The following XKR9 variants were observed in gnomAD, a reference collection of about 807,000 sequenced individuals.
The protein encoded by XKR9 is XK related 9.
XKR9 carries 32 observed loss-of-function variants against 32.0 expected under a neutral mutation model. The observed-to-expected ratio is 1.00, with a 90% CI of 0.76 to 1.34. The LOEUF is 1.34. XKR9 is among the 40% of genes most tolerant of loss of function. The probability of loss-of-function intolerance (pLI) is 0.00; values close to 1 mark genes in which losing one functional copy is unlikely to be tolerated. For synonymous variants in XKR9, 168 were observed against 143.4 expected, an observed-to-expected ratio of 1.17 and a Z score of -1.22; for missense variants, 546 against 429.7, an observed-to-expected ratio of 1.27 and a Z score of -2.39.
At chr8:70,781,533 G>A (rs1341203418) in intron 2 of XKR9, among the ~76,000 whole-genome samples, 2 of 146,366 alleles carry the variant, frequency 1.4e-5, no homozygotes, top group African/African-American at 5.0e-5. Flanking sequence ...ATTTTTCTAT[G>A]AGTGAGACCC....
At chr8:70,670,445 A>T (rs1440311482) in intron 1 of XKR9, 1 of 152,206 alleles carries the variant, frequency 6.6e-6, no homozygotes, top group African/African-American at 2.4e-5. Context: ...CCATCGAGTT[A>T]TGACAATTGT....
the XKR9 span, among the ~76,000 whole-genome samples, chr8:70,879,566 G>C: frequency 2.0e-5 from 3 of 152,054 alleles, no homozygotes; most frequent in African/African-American, 7.2e-5. Context: ...AGAAGAAATG[G>C]ATAAATTCCT....
chr8:70,972,156 T>C, the XKR9 span, among the ~76,000 whole-genome samples: 1 of 152,210 alleles, frequency 6.6e-6, no homozygotes, highest in Non-Finnish European at 1.5e-5. Flanking sequence ...GTAGTTTTCC[T>C]TGTAGAGGTC....
intron 2 of XKR9, among the ~76,000 whole-genome samples, chr8:70,741,970 T>C (rs1484078317): frequency 6.6e-6 from 1 of 152,142 alleles, no homozygotes; most frequent in Non-Finnish European, 1.5e-5. Flanking sequence ...ATTCTGTTTT[T>C]TTTTTTTCTT....
chr8:70,746,632 A>G (rs539543679), intron 2 of XKR9, among the ~76,000 whole-genome samples: 1 of 152,102 alleles, frequency 6.6e-6, no homozygotes, highest in East Asian at 1.9e-4. Flanking sequence ...CTAGACTGGT[A>G]CAGAACTTGA....
the XKR9 span, among the ~76,000 whole-genome samples, chr8:70,892,427 T>G: frequency 2.0e-5 from 3 of 152,140 alleles, no homozygotes; most frequent in Admixed American, 6.5e-5. Context: ...ACTGCTTTAT[T>G]AGTGAGTTTT....
intron 4 of XKR9, among the ~76,000 whole-genome samples, chr8:70,710,803 G>A (rs1039830849): frequency 2.0e-5 from 3 of 152,052 alleles, no homozygotes; most frequent in African/African-American, 7.2e-5. Flanking sequence ...AAACTAAAGA[G>A]CTTCTGCATG....
At chr8:70,845,696 A>G in the XKR9 span, among the ~76,000 whole-genome samples, 1 of 152,192 alleles carries the variant, frequency 6.6e-6, no homozygotes, top group Non-Finnish European at 1.5e-5. Context: ...CAGAAGAAGC[A>G]AATTCAGAAT....
the XKR9 span, among the ~76,000 whole-genome samples, chr8:70,921,872 A>G: frequency 0.32 from 48,327 of 152,016 alleles, 9,009 homozygotes; most frequent in Non-Finnish European, 0.43. Flanking sequence ...TAATCTCCAG[A>G]AATTGGGCAC....
the XKR9 span, among the ~76,000 whole-genome samples, chr8:70,953,937 A>G: frequency 6.6e-6 from 1 of 152,172 alleles, no homozygotes; most frequent in African/African-American, 2.4e-5. Flanking sequence ...GAAGCCAGGG[A>G]AAGAGCATAG....
the XKR9 span, among the ~76,000 whole-genome samples, chr8:71,038,493 G>A: frequency 6.6e-6 from 1 of 151,238 alleles, no homozygotes; most frequent in South Asian, 2.1e-4. Context: ...GCTAATTTTT[G>A]TATTTTTAGT....
the XKR9 span, among the ~76,000 whole-genome samples, chr8:70,940,259 C>T: frequency 1.3e-5 from 2 of 151,992 alleles, no homozygotes; most frequent in African/African-American, 2.4e-5. Flanking sequence ...ATGTTGCCAC[C>T]GACAGGGAGC....
the XKR9 span, among the ~76,000 whole-genome samples, chr8:70,813,880 T>G: frequency 6.6e-6 from 1 of 152,194 alleles, no homozygotes; most frequent in Admixed American, 6.5e-5. Context: ...TGGAAGTCAG[T>G]GTGGCGATTC....
intron 2 of XKR9, chr8:70,677,954 A>G (rs1818936928): frequency 1.3e-5 from 2 of 152,246 alleles, no homozygotes; most frequent in Non-Finnish European, 2.9e-5. Flanking sequence ...CAGGATTTGT[A>G]TACACATTAA....
At chr8:70,918,514 G>A in the XKR9 span, among the ~76,000 whole-genome samples, 1 of 152,044 alleles carries the variant, frequency 6.6e-6, no homozygotes, top group Non-Finnish European at 1.5e-5. Flanking sequence ...TGTGAACTCA[G>A]TTGCCCTTAA....
At chr8:70,844,844 C>T in the XKR9 span, among the ~76,000 whole-genome samples, 2 of 152,192 alleles carry the variant, frequency 1.3e-5, no homozygotes, top group South Asian at 2.1e-4. Flanking sequence ...ACTTCAAAGC[C>T]CAAGGGATGT....
chr8:70,886,922 G>T, the XKR9 span, among the ~76,000 whole-genome samples: 3 of 152,106 alleles, frequency 2.0e-5, no homozygotes, highest in Admixed American at 2.0e-4. Context: ...GGCTTCTGTT[G>T]CAATTGCTTT....
the XKR9 span, among the ~76,000 whole-genome samples, chr8:70,813,707 G>T: frequency 6.6e-6 from 1 of 152,292 alleles, no homozygotes; most frequent in East Asian, 1.9e-4. Context: ...CTTCATCACT[G>T]GCCGTCAGAG....
chr8:71,056,008 CT>C, the XKR9 span, among the ~76,000 whole-genome samples: 1 of 152,134 alleles, frequency 6.6e-6, no homozygotes, highest in Non-Finnish European at 1.5e-5. Flanking sequence ...GCATTTGACA[CT>C]TGGAACTCTC....
Sources: gnomAD v4.1 joint callset for allele counts (sites outside exome capture counted in the v4.1 genomes callset) on GRCh38, gnomAD v4.1.1 for gene constraint, MANE v1.5 for transcripts, NCBI Gene and HGNC (gene_info 2026-07-23, HGNC 2026-07-21) for gene names.